GNA11: variants seen among roughly 807,000 people sequenced by gnomAD.
GNA11 encodes the protein guanine nucleotide-binding protein subunit alpha-11.
Under a neutral mutation model 38.2 loss-of-function variants are expected in GNA11, and 8 were observed. The ratio of observed to expected loss-of-function variants is 0.21; its 90% CI spans 0.12 to 0.38. GNA11 has a LOEUF of 0.38. GNA11 is among the 10% of genes least tolerant of loss of function. The pLI is 1.00. For synonymous variants in GNA11, 211 were observed against 221.4 expected (o/e 0.95, Z 0.42); for missense variants, 268 against 516.3 (o/e 0.52, Z 4.66).
rs1191083006 is a variant in GNA11 at position 3,110,708 on chromosome 19, C to A, written c.321+375C>A. ...TCCTGGTTCCGGCCCCTTCCCCAGGCTGAGCAGCCTACCAGGCACCTCGTT... is the reference window on the plus strand; with the variant it reads ...TCCTGGTTCCGGCCCCTTCCCCAGGATGAGCAGCCTACCAGGCACCTCGTT... On this transcript the variant is annotated intron_variant, in intron 2 of 6. Coordinates refer to ENST00000078429, the MANE Select transcript of GNA11 (RefSeq NM_002067.5). This position sits in a 1 kb window ranked among gnomAD's most constrained non-coding sequence, Gnocchi z 5.4. 6.6e-6 allele frequency among the ~76,000 whole-genome samples: 1 copy of A among 152,224 alleles called. No homozygotes were observed. Among genetic ancestry groups the A allele is most frequent in the Non-Finnish European group, 1.5e-5 (1 of 68,038 alleles).
intron 1 of GNA11, among the ~76,000 whole-genome samples, chr19:3,100,493 A>G (rs1262084619): frequency 6.6e-6 from 1 of 152,162 alleles, no homozygotes; most frequent in African/African-American, 2.4e-5. Context: ...TGGCTGACTG[A>G]AGGCAGATCA....
chr19:3,107,312 CCTT>C (rs1174401166), intron 1 of GNA11, among the ~76,000 whole-genome samples: 1 of 152,210 alleles, frequency 6.6e-6, no homozygotes. Flanking sequence ...GTTTCAGACT[CCTT>C]CTCGGCCGTC....
In GNA11 at chr19:3,121,656, G is replaced by A. The variant is rs1035798093; in HGVS notation, c.*477G>A. On this transcript the variant is annotated 3_prime_UTR_variant, in exon 7 of 7. Transcript: ENST00000078429. ...CACGTGCTTTTTCTTTCTCCTGCCC[G>A]CTTCTTTTCTTCATCACAAAAGGCG... is the stretch of plus-strand genomic sequence containing the variant. 38 of 232,312 alleles carry A rather than the reference G, an allele frequency of 1.6e-4. No homozygotes were observed. Among genetic ancestry groups the A allele is most frequent in the Non-Finnish European group, 2.8e-4 (33 of 117,708 alleles). The allele number at this position is 232,312 out of a possible 1,614,324, so 14.4% of individuals were successfully genotyped here. A position where few individuals can be genotyped will look rare whatever the true frequency, so the allele number is the denominator to read the frequency against.
In GNA11 at chr19:3,115,043, C is replaced by T. The variant is rs2145321091; in HGVS notation, c.576C>T (p.Tyr192=). The change falls in exon 4 of 7, where the codon TAC becomes TAT. Residue 192 remains tyrosine, a synonymous_variant. Coordinates refer to ENST00000078429, the MANE Select transcript of GNA11 (RefSeq NM_002067.5). ...TGCCCACCACCGGCATCATCGAGTACCCTTTCGACCTGGAGAACATCATCT... is the reference window on the plus strand; with the variant it reads ...TGCCCACCACCGGCATCATCGAGTATCCTTTCGACCTGGAGAACATCATCT... ...VRVPTTGIIE[Y]PFDLENIIFR... The T allele has an allele frequency of 2.5e-6, 4 of 1,613,356 alleles. No homozygotes were observed. Among genetic ancestry groups the T allele is most frequent in the Admixed American group, 1.7e-5 (1 of 60,016 alleles).
rs939723261 is a variant in GNA11 at position 3,123,470 on chromosome 19, C to G, written c.*2291C>G. The G allele has an allele frequency of 4.3e-6, 1 of 233,238 alleles. No homozygotes were observed. Among genetic ancestry groups the G allele is most frequent in the Non-Finnish European group, 8.5e-6 (1 of 118,076 alleles). 14.4% of individuals were successfully genotyped at this position (233,238 alleles called of 1,614,324 possible). On this transcript the variant is annotated 3_prime_UTR_variant, in exon 7 of 7. Coordinates refer to ENST00000078429, the MANE Select transcript of GNA11 (RefSeq NM_002067.5). ...CACCCAGGGGCAAGGACAGCCAACC[C>G]CCACCCTTGCCACGTGTGGGGCCAC...
At chr19:3,114,648 C>G (rs1488517608) in intron 3 of GNA11, among the ~76,000 whole-genome samples, 1 of 152,202 alleles carries the variant, frequency 6.6e-6, no homozygotes, top group Non-Finnish European at 1.5e-5. Context: ...CTGGACAGCT[C>G]TACTACAAAC....
rs1054531397 is a variant in GNA11, at chr19:3,108,507, G to A, written c.137-1642G>A. Among the ~76,000 whole-genome samples the A allele has an allele frequency of 4.6e-5, 7 of 151,964 alleles. No homozygotes were observed. Among genetic ancestry groups the A allele is most frequent in the African/African-American group, 1.7e-4 (7 of 41,354 alleles). On this transcript the variant is annotated intron_variant, in intron 1 of 6. Coordinates refer to ENST00000078429, the MANE Select transcript of GNA11 (RefSeq NM_002067.5). The surrounding 1 kb of genome is among the most constrained non-coding windows in gnomAD (Gnocchi z 4.5). ...GGTGCCGGAAGATTCAGAGACACAG[G>A]GTGGTGAAGGCGAGCCTGGAGAAGT...
rs1226763074 is a variant in GNA11, at chr19:3,108,533, G to C, written c.137-1616G>C. Among the ~76,000 whole-genome samples, 2 of 151,936 alleles carry C rather than the reference G, an allele frequency of 1.3e-5. No individual in the cohort carries two copies. The highest frequency in any genetic ancestry group is 2.9e-5 in the Non-Finnish European group (2 of 67,984). On this transcript the variant is annotated intron_variant, in intron 1 of 6. Coordinates refer to ENST00000078429, the MANE Select transcript of GNA11 (RefSeq NM_002067.5). This position sits in a 1 kb window ranked among gnomAD's most constrained non-coding sequence, Gnocchi z 4.5. ...GTGGTGAAGGCGAGCCTGGAGAAGT[G>C]GGCTGGGGGCATGCTGGGAGGGGGC...
rs924757915 is a variant in GNA11, at chr19:3,110,551, C to T, written c.321+218C>T. On this transcript the variant is annotated intron_variant, in intron 2 of 6. Transcript: ENST00000078429. The surrounding 1 kb of genome is among the most constrained non-coding windows in gnomAD (Gnocchi z 5.4). ...TTGTGATGGGCATTGCGTGGCCAAG[C>T]CCCACAGCCTCCCTCCCAAGTAGCT... 5.9e-5 allele frequency among the ~76,000 whole-genome samples: 9 copies of T among 152,316 alleles called. No individual in the cohort carries two copies. The highest frequency in any genetic ancestry group is 1.7e-4 in the African/African-American group (7 of 41,582).
Position 3,121,481 on chromosome 19 carries a change from A to C in GNA11, c.*302A>C, listed in dbSNP as rs1280064176. ...AAAAAAAAAAAAAAAGAAAGAAAGAAAAAAAGCAACGAAACATAAAACACA... is the reference window on the plus strand; with the variant it reads ...AAAAAAAAAAAAAAAGAAAGAAAGACAAAAAGCAACGAAACATAAAACACA... On this transcript the variant is annotated 3_prime_UTR_variant, in exon 7 of 7. Coordinates refer to ENST00000078429, the MANE Select transcript of GNA11 (RefSeq NM_002067.5). 3 of 261,826 alleles carry C rather than the reference A, an allele frequency of 1.1e-5. No homozygotes were observed. The highest frequency in any genetic ancestry group is 2.2e-5 in the Non-Finnish European group (3 of 137,294). 16.2% of individuals were successfully genotyped at this position (261,826 alleles called of 1,614,324 possible).
chr19:3,098,681 C>T (rs566250911), intron 1 of GNA11, among the ~76,000 whole-genome samples: 6 of 152,354 alleles, frequency 3.9e-5, no homozygotes, highest in African/African-American at 1.4e-4. Context: ...GGTGCGGTGG[C>T]CCCACGGGAA....
At chr19:3,095,323 T>C in intron 1 of GNA11, among the ~76,000 whole-genome samples, 1 of 152,068 alleles carries the variant, frequency 6.6e-6, no homozygotes, top group Non-Finnish European at 1.5e-5. Flanking sequence ...AAGGGACCAG[T>C]CCCTCCCTGC....
Position 3,120,951 on chromosome 19 carries a change from C to CG in GNA11, c.890-35dup. ...GGCCCACGAGTCCCTTGCCCTGGGC[C>CG]GGGCTGGGGCACAGCCTCACCCTCT... On this transcript the variant is annotated intron_variant, in intron 6 of 6. Transcript: ENST00000078429. The surrounding 1 kb of genome is among the most constrained non-coding windows in gnomAD (Gnocchi z 5.9). 6.5e-7 allele frequency: 1 copy of CG among 1,536,718 alleles called. No individual in the cohort carries two copies. Among genetic ancestry groups the CG allele is most frequent in the Middle Eastern group, 1.7e-4 (1 of 5,840 alleles).
Position 3,122,370 on chromosome 19 carries a change from C to T in GNA11, c.*1191C>T, listed in dbSNP as rs927032017. 13 of 231,808 alleles carry T rather than the reference C, an allele frequency of 5.6e-5. No individual in the cohort carries two copies. The highest frequency in any genetic ancestry group is 1.8e-4 in the South Asian group (1 of 5,518). 14.4% of individuals were successfully genotyped at this position (231,808 alleles called of 1,614,324 possible). On this transcript the variant is annotated 3_prime_UTR_variant, in exon 7 of 7. Coordinates refer to ENST00000078429, the MANE Select transcript of GNA11 (RefSeq NM_002067.5). This position sits in a 1 kb window ranked among gnomAD's most constrained non-coding sequence, Gnocchi z 7.7. ...AGCACTCGCACTTTGGCCAGGGGCG[C>T]GTGGAAGGTGGTGGCAGGCACCGGC... is the stretch of plus-strand genomic sequence containing the variant.
chr19:3,103,607 C>T (rs562803680), intron 1 of GNA11, among the ~76,000 whole-genome samples: 15 of 135,016 alleles, frequency 1.1e-4, no homozygotes, highest in Non-Finnish European at 2.2e-4. Flanking sequence ...TGTTTGCTCA[C>T]CTCTGTCTCT....
chr19:3,120,532 A>G lies in GNA11; in HGVS notation c.890-457A>G, dbSNP rs1222008786. Among the ~76,000 whole-genome samples the G allele has an allele frequency of 6.6e-6, 1 of 151,722 alleles. No homozygotes were observed. Among genetic ancestry groups the G allele is most frequent in the Non-Finnish European group, 1.5e-5 (1 of 67,910 alleles). On this transcript the variant is annotated intron_variant, in intron 6 of 6. Transcript: ENST00000078429. The surrounding 1 kb of genome is among the most constrained non-coding windows in gnomAD (Gnocchi z 5.9). ...GCAGCGCCCCTGCTGGAGCCCCTGG[A>G]TGTCTCTGAGGCCTGGCTGCAGCAG...
intron 1 of GNA11, among the ~76,000 whole-genome samples, chr19:3,109,323 G>A (rs1359254319): frequency 1.3e-5 from 2 of 152,210 alleles, no homozygotes; most frequent in African/African-American, 4.8e-5. Flanking sequence ...TGGAGGCTGG[G>A]GTGGAGCGAC....
chr19:3,099,451 ACCGGGAT>A (rs1913449845), intron 1 of GNA11, among the ~76,000 whole-genome samples: 1 of 152,144 alleles, frequency 6.6e-6, no homozygotes, highest in African/African-American at 2.4e-5. Flanking sequence ...CTTTCGCAGA[ACCGGGAT>A]CCTAAGTGCC....
At chr19:3,096,333 A>G (rs1419169834) in intron 1 of GNA11, among the ~76,000 whole-genome samples, 1 of 152,160 alleles carries the variant, frequency 6.6e-6, no homozygotes, top group Non-Finnish European at 1.5e-5. Flanking sequence ...GGAAATGTGC[A>G]GTGCGGCCCG....
Sources: gnomAD v4.1 joint callset for allele counts (sites outside exome capture counted in the v4.1 genomes callset) on GRCh38, gnomAD v4.1.1 for gene constraint, Gnocchi (gnomAD v3.1) non-coding constraint, MANE v1.5 for transcripts, NCBI Gene and HGNC (gene_info 2026-07-23, HGNC 2026-07-21) for gene names.